The following MXRA8 variants were observed in gnomAD, a reference collection of about 807,000 sequenced individuals.
MXRA8 encodes matrix remodeling associated 8, also known as matrix remodeling-associated protein 8.
MXRA8 carries 44 observed loss-of-function variants against 51.4 expected under a neutral mutation model. That is an observed-to-expected ratio of 0.86 (90% CI 0.67 to 1.10). MXRA8 has a LOEUF of 1.10. Among genes scored for constraint, MXRA8 ranks in the 50% least tolerant of loss-of-function variants. The probability of loss-of-function intolerance (pLI) is 0.00; values close to 1 mark genes in which losing one functional copy is unlikely to be tolerated. For missense variants in MXRA8, 765 were observed against 638.9 expected (o/e 1.20, Z -2.13); for synonymous variants, 369 against 293.5 (o/e 1.26, Z -2.63).
Position 1,353,042 on chromosome 1 carries a change from A to C in MXRA8, c.*562T>G. The C allele has an allele frequency of 8.5e-6, 5 of 586,320 alleles. No homozygotes were observed. Among genetic ancestry groups the C allele is most frequent in the Non-Finnish European group, 1.5e-5 (5 of 331,232 alleles). 36.3% of individuals were successfully genotyped at this position (586,320 alleles called of 1,614,324 possible). ...TTCAAGTCAGCAGGTCCCTGGGGAG[A>C]ACAGATGGTGCCTGGAGTCCCACAT... is the stretch of plus-strand genomic sequence containing the variant. On this transcript the variant is annotated 3_prime_UTR_variant, in exon 10 of 10. Transcript: ENST00000309212.
chr1:1,356,839 C>T, intron 1 of MXRA8, 135 bp from the exon 2 acceptor site: 1 of 731,650 alleles, frequency 1.4e-6, no homozygotes, highest in Non-Finnish European at 2.0e-6. Flanking sequence ...AGGGAGGACG[C>T]CTCTCACACA....
upstream of MXRA8, among the ~76,000 whole-genome samples, chr1:1,360,906 ACG>A (rs774920861): frequency 6.6e-6 from 1 of 151,680 alleles, no homozygotes; most frequent in East Asian, 1.9e-4. Flanking sequence ...AGAGATACAC[ACG>A]CATGCACACG....
chr1:1,356,602 A>G, intron 2 of MXRA8, 79 bp downstream of exon 2: 1 of 775,560 alleles, frequency 1.3e-6, no homozygotes, highest in Non-Finnish European at 1.6e-6. Flanking sequence ...GGGCCTGAGG[A>G]CCCCCGGGGG....
chr1:1,359,554 G>T, upstream of MXRA8: 4 of 985,276 alleles, frequency 4.1e-6, no homozygotes, highest in Non-Finnish European at 4.8e-6. Flanking sequence ...CCCCAGCTGG[G>T]TGGGGGGCTC....
At position 1,354,455 on chromosome 1, in the gene MXRA8, C is replaced by T. The variant is rs146919120; in HGVS notation, c.1004G>A (p.Arg335Gln). 383 of 1,612,318 alleles carry T rather than the reference C, an allele frequency of 2.4e-4. No individual in the cohort carries two copies. The highest frequency in any genetic ancestry group is 2.8e-4 in the Non-Finnish European group (331 of 1,179,866). Residue 335 changes from arginine (R) to glutamine (Q), a missense_variant, in exon 6 of 10, where the codon CGA becomes CAA. By Grantham distance (43) the Arg-to-Gln change is conservative. Coordinates refer to ENST00000309212, the MANE Select transcript of MXRA8 (RefSeq NM_032348.4). ...GCCCAGCTGCTGGAAGAAGTGGGCTCGGCTCTCGGGGACGATGACATTGAT... is the reference window on the plus strand; with the variant it reads ...GCCCAGCTGCTGGAAGAAGTGGGCTTGGCTCTCGGGGACGATGACATTGAT... ...NVINVIVPES[R>Q]AHFFQQLGYV...
At chr1:1,356,927 C>T (rs1267253695) in intron 1 of MXRA8, among the ~76,000 whole-genome samples, 5 of 151,994 alleles carry the variant, frequency 3.3e-5, no homozygotes, top group African/African-American at 7.3e-5. Context: ...AGGGCATGGG[C>T]GTGGGCCAGG....
chr1:1,353,982 C>T (rs546277123), intron 8 of MXRA8, 48 bp downstream of exon 8: 20 of 1,493,318 alleles, frequency 1.3e-5, no homozygotes, highest in South Asian at 6.9e-5. Context: ...CTTCCCAGCC[C>T]GGGACTGGGA....
At chr1:1,359,766 C>T (rs928749960), upstream of MXRA8, among the ~76,000 whole-genome samples, 1 of 152,336 alleles carries the variant, frequency 6.6e-6, no homozygotes, top group East Asian at 1.9e-4. Context: ...GGGTCCTGGC[C>T]CGGGCGGCGA....
At chr1:1,357,663 C>A (rs946623196) in intron 1 of MXRA8, among the ~76,000 whole-genome samples, 1 of 152,094 alleles carries the variant, frequency 6.6e-6, no homozygotes, top group Non-Finnish European at 1.5e-5. Context: ...AAAAATTAGC[C>A]GGACGGGGTG....
rs757408987 is a variant in MXRA8, at chr1:1,358,539, G to T, written c.-35C>A. On this transcript the variant is annotated 5_prime_UTR_variant, in exon 1 of 10. Coordinates refer to ENST00000309212, the MANE Select transcript of MXRA8 (RefSeq NM_032348.4). The stretch of plus-strand genomic sequence containing the variant: ...CCAGCCCCAGGCTTTGTCCCACTCG[G>T]CTCTAAGTCTCTCTCCAGAAAAACA... The T allele has an allele frequency of 4.4e-6, 7 of 1,602,538 alleles. No individual in the cohort carries two copies. In the East Asian group the frequency reaches 1.1e-4, roughly 26 times the overall value.
At chr1:1,361,250 G>A (rs757253015), upstream of MXRA8, 29 of 703,384 alleles carry the variant, frequency 4.1e-5, no homozygotes, top group East Asian at 1.1e-4. Flanking sequence ...ACCTGTGGCC[G>A]CACAGCGGAT....
chr1:1,355,393 C>T (rs1363388615), intron 3 of MXRA8, 48 bp from the exon 4 acceptor site: 3 of 1,516,210 alleles, frequency 2.0e-6, no homozygotes, highest in Non-Finnish European at 2.6e-6. Context: ...GTGCCCCCGA[C>T]CCCGCGGCCC....
At chr1:1,357,704 GGAGGCC>G in intron 1 of MXRA8, among the ~76,000 whole-genome samples, 1 of 152,178 alleles carries the variant, frequency 6.6e-6, no homozygotes, top group East Asian at 1.9e-4. Flanking sequence ...CAGCTACTTG[GGAGGCC>G]GAGGCAAGAA....
At position 1,353,877 on chromosome 1, in the gene MXRA8, A is replaced by AGG. The variant is rs750894245; in HGVS notation, c.1272_1273dup (p.Leu425ProfsTer9). 3.1e-6 allele frequency: 5 copies of AGG among 1,606,288 alleles called. No individual in the cohort carries two copies. Among genetic ancestry groups the AGG allele is most frequent in the Middle Eastern group, 1.7e-4 (1 of 6,022 alleles). On this transcript the variant is annotated frameshift_variant, in exon 9 of 10. Coordinates refer to ENST00000309212, the MANE Select transcript of MXRA8 (RefSeq NM_032348.4). LOFTEE classifies it high-confidence loss of function. The stretch of plus-strand genomic sequence containing the variant: ...GTCTAGGTCGATGTACTTGGCAGGC[A>AGG]GGGGGCTGTGGGCCAGCTCCGCCCT...
upstream of MXRA8, among the ~76,000 whole-genome samples, chr1:1,360,455 C>G (rs1029105030): frequency 1.6e-5 from 2 of 123,584 alleles, no homozygotes; most frequent in African/African-American, 5.9e-5. Context: ...TGACCTGTGC[C>G]TCTTCTGCAC....
chr1:1,355,435 C>T lies in MXRA8; in HGVS notation c.376+15G>A, dbSNP rs746379024. 8.3e-5 allele frequency: 123 copies of T among 1,485,364 alleles called. No individual in the cohort carries two copies. The highest frequency in any genetic ancestry group is 1.0e-4 in the Non-Finnish European group (117 of 1,126,816). 92.0% of individuals were successfully genotyped at this position (1,485,364 alleles called of 1,614,324 possible). A position where few individuals can be genotyped will look rare whatever the true frequency, so the allele number is the denominator to read the frequency against. ...CCTGCCCCGACCCCGCGGCCCCGGT[C>T]CCCGGTCCCCGCACCGCGGATGAGC... On this transcript the variant is annotated intron_variant, in intron 3 of 9. Transcript: ENST00000309212.
At chr1:1,359,403 T>G (rs1239007659), upstream of MXRA8, 1 of 985,322 alleles carries the variant, frequency 1.0e-6, no homozygotes. Context: ...AATAACAGCC[T>G]GCACTGTGTA....
At chr1:1,356,607 CG>C in intron 2 of MXRA8, 73 bp downstream of exon 2, 2 of 799,088 alleles carry the variant, frequency 2.5e-6, no homozygotes, top group African/African-American at 4.2e-5. Context: ...TGAGGACCCC[CG>C]GGGGCTGGGC....
In MXRA8 at chr1:1,355,717, C is replaced by T; in HGVS notation, c.109G>A (p.Val37Met). ...TCCCAGCTCACCGCGGACTCGGACACCACGGAGCTGCCAGCAGCGGCGGGT... is the reference window on the plus strand; with the variant it reads ...TCCCAGCTCACCGCGGACTCGGACATCACGGAGCTGCCAGCAGCGGCGGGT... ...SVPAAAGSSV[V>M]SESAVSWEAG... The change falls in exon 3 of 10, where the codon GTG (valine) becomes ATG (methionine). Residue 37 changes from valine to methionine, a missense_variant. Physicochemically the swap from Val to Met is conservative, Grantham distance 21. Transcript: ENST00000309212. The T allele has an allele frequency of 7.5e-7, 1 of 1,326,336 alleles. No individual in the cohort carries two copies. Among genetic ancestry groups the T allele is most frequent in the Non-Finnish European group, 9.6e-7 (1 of 1,044,392 alleles). 82.2% of individuals were successfully genotyped at this position (1,326,336 alleles called of 1,614,324 possible). A position where few individuals can be genotyped will look rare whatever the true frequency, so the allele number is the denominator to read the frequency against.
Sources: allele counts gnomAD v4.1 joint callset (sites outside exome capture counted in the v4.1 genomes callset), GRCh38; gene constraint gnomAD v4.1.1; transcripts MANE v1.5; gene names NCBI Gene and HGNC (gene_info 2026-07-23, HGNC 2026-07-21).